PRKCB: variants seen among roughly 807,000 people sequenced by gnomAD.
The protein encoded by PRKCB is protein kinase C beta type.
Under a neutral mutation model 81.5 loss-of-function variants are expected in PRKCB, and 13 were observed. That is an observed-to-expected ratio of 0.16 (90% CI 0.10 to 0.25). PRKCB has a LOEUF of 0.25. PRKCB is among the 10% of genes least tolerant of loss of function. The pLI is 1.00. For missense variants in PRKCB, 509 were observed against 875.7 expected, an observed-to-expected ratio of 0.58 and a Z score of 5.29; for synonymous variants, 335 against 321.4, an observed-to-expected ratio of 1.04 and a Z score of -0.45.
chr16:24,060,725 A>AAG (rs1225936240), intron 5 of PRKCB, among the ~76,000 whole-genome samples: 8 of 152,314 alleles, frequency 5.3e-5, no homozygotes, highest in African/African-American at 1.9e-4. Flanking sequence ...GCTCTTCCCC[A>AAG]GCCTCAGTAG....
chr16:24,133,781 A>C lies in PRKCB; in HGVS notation c.1065+9800A>C, dbSNP rs538641633. Reference sequence around the variant, plus strand: ...ATAGAAATTGTAAGGCAGAGAGGTTAAGTGACTTCTCCAAGAAGGAGGCGG... The same window carrying C: ...ATAGAAATTGTAAGGCAGAGAGGTTCAGTGACTTCTCCAAGAAGGAGGCGG... On this transcript the variant is annotated intron_variant, in intron 9 of 16. Coordinates refer to ENST00000643927, the MANE Select transcript of PRKCB (RefSeq NM_002738.7). Among the ~76,000 whole-genome samples the C allele has an allele frequency of 2.0e-5, 3 of 152,314 alleles. No individual in the cohort carries two copies. In the South Asian group the frequency reaches 6.2e-4, roughly 32 times the overall value.
intron 1 of PRKCB, among the ~76,000 whole-genome samples, chr16:23,836,844 T>G (rs1962170461): frequency 6.7e-6 from 1 of 150,266 alleles, no homozygotes; most frequent in Non-Finnish European, 1.5e-5. Context: ...CCTCTGTGCC[T>G]CCGGGCAGCG....
At chr16:24,013,880 A>G (rs1965239784) in intron 3 of PRKCB, among the ~76,000 whole-genome samples, 1 of 151,642 alleles carries the variant, frequency 6.6e-6, no homozygotes, top group Admixed American at 6.6e-5. Flanking sequence ...GTTCAGGGTC[A>G]TTGTTTCTAG....
At chr16:24,158,799 C>T (rs1333700088) in intron 10 of PRKCB, among the ~76,000 whole-genome samples, 1 of 152,078 alleles carries the variant, frequency 6.6e-6, no homozygotes, top group Non-Finnish European at 1.5e-5. Flanking sequence ...GCTAGGACTA[C>T]AAGCATGCAT....
In PRKCB at chr16:23,838,123, A is replaced by G. The variant is rs117893105; in HGVS notation, c.205+717A>G. Among the ~76,000 whole-genome samples, 8 of 152,286 alleles carry G rather than the reference A, an allele frequency of 5.3e-5. No homozygotes were observed. The East Asian group carries it at 1.4e-3, about 26-fold the overall frequency. On this transcript the variant is annotated intron_variant, in intron 2 of 16. Transcript: ENST00000643927. ...CCCCCGTCTTTGGGGCTCATGTCTA[A>G]AAGACAGATTGCAAATTGGCTCTCC...
chr16:23,882,021 T>TTCTTTCTTTCTTTCTCTTTCTTTC (rs1555481692), intron 2 of PRKCB, among the ~76,000 whole-genome samples: 3 of 55,588 alleles, frequency 5.4e-5, no homozygotes, highest in Admixed American at 2.2e-4. Flanking sequence ...TTTCTTTCTT[T>TTCTTTCTTTCTTTCTCTTTCTTTC]CTTCCTTCCT....
At chr16:24,034,532 A>T (rs1965588936) in intron 4 of PRKCB, among the ~76,000 whole-genome samples, 1 of 152,252 alleles carries the variant, frequency 6.6e-6, no homozygotes, top group Admixed American at 6.5e-5. Flanking sequence ...GAGGGAGTGG[A>T]TATCCTATAA....
rs1292178495 is a variant in PRKCB at position 24,113,155 on chromosome 16, TTC to T, written c.918+92_918+93del. 1.2e-5 allele frequency: 11 copies of T among 925,752 alleles called. No individual in the cohort carries two copies. In the African/African-American group the frequency reaches 1.7e-4, roughly 14 times the overall value. The allele number at this position is 925,752 out of a possible 1,614,324, so 57.3% of individuals were successfully genotyped here. A position where few individuals can be genotyped will look rare whatever the true frequency, so the allele number is the denominator to read the frequency against. ...CCTGCTCCCTCCTCTTTCTTTCTCT[TTC>T]TCTCTTATTCTTTTTTCTCTCCTTC... is the stretch of plus-strand genomic sequence containing the variant. On this transcript the variant is annotated intron_variant, in intron 8 of 16. Transcript: ENST00000643927.
intron 8 of PRKCB, among the ~76,000 whole-genome samples, chr16:24,123,228 A>G (rs957054430): frequency 6.6e-6 from 1 of 152,142 alleles, no homozygotes; most frequent in Non-Finnish European, 1.5e-5. Flanking sequence ...AAGGGGAGAG[A>G]ATAGCCATTT....
chr16:24,171,376 A>T (rs1967438041), intron 10 of PRKCB, among the ~76,000 whole-genome samples: 1 of 152,194 alleles, frequency 6.6e-6, no homozygotes, highest in Non-Finnish European at 1.5e-5. Context: ...GGCTTCCCAA[A>T]AAGCAAGTGA....
At chr16:23,987,462 C>G (rs1038254975) in intron 2 of PRKCB, among the ~76,000 whole-genome samples, 4 of 151,804 alleles carry the variant, frequency 2.6e-5, no homozygotes, top group Non-Finnish European at 1.5e-5. Context: ...TCCTCTGTCA[C>G]TTGTATTTTC....
intron 8 of PRKCB, 80 bp downstream of exon 8, chr16:24,113,149 TTC>T (rs1966695780): frequency 3.9e-6 from 4 of 1,023,190 alleles, no homozygotes; most frequent in African/African-American, 3.3e-5. Flanking sequence ...TCCTCTTTCT[TTC>T]TCTTTCTCTC....
intron 3 of PRKCB, among the ~76,000 whole-genome samples, chr16:24,002,350 CGTGT>C (rs909502386): frequency 6.7e-6 from 1 of 150,346 alleles, no homozygotes; most frequent in East Asian, 1.9e-4. Flanking sequence ...TGCGTGCGTG[CGTGT>C]GTGTGTGTGA....
In PRKCB at chr16:24,216,105, T is replaced by A; in HGVS notation, c.*1289T>A. ...AGGAGGGAACTCAGGAGAAAGGAAC[T>A]AACTGCGGAGCTTTAATCTTGGCCC... On this transcript the variant is annotated 3_prime_UTR_variant, in exon 17 of 17. Transcript: ENST00000643927. The A allele has an allele frequency of 4.1e-6, 4 of 985,316 alleles. No homozygotes were observed. Among genetic ancestry groups the A allele is most frequent in the Non-Finnish European group, 4.8e-6 (4 of 829,902 alleles). 61.0% of individuals were successfully genotyped at this position (985,316 alleles called of 1,614,324 possible). A position where few individuals can be genotyped will look rare whatever the true frequency, so the allele number is the denominator to read the frequency against.
Position 24,216,996 on chromosome 16 carries a change from C to G in PRKCB, c.*2180C>G, listed in dbSNP as rs73550432. 3.6e-5 allele frequency: 35 copies of G among 985,104 alleles called. 1 individual carries two copies. In the African/African-American group the frequency reaches 5.9e-4, roughly 17 times the overall value. 61.0% of individuals were successfully genotyped at this position (985,104 alleles called of 1,614,324 possible). ...CATGATCCCATTTTGCTTGGACATG[C>G]TCTCAGGAAGATAAAAACCATGGAG... is the stretch of plus-strand genomic sequence containing the variant. On this transcript the variant is annotated 3_prime_UTR_variant, in exon 17 of 17. Transcript: ENST00000643927.
At chr16:24,077,824 G>C (rs899304871) in intron 5 of PRKCB, among the ~76,000 whole-genome samples, 2 of 152,218 alleles carry the variant, frequency 1.3e-5, no homozygotes, top group African/African-American at 4.8e-5. Context: ...CTGAGAATGT[G>C]CCTCTCAGTT....
rs1466875027 is a variant in PRKCB at position 24,217,061 on chromosome 16, G to GA, written c.*2249dup. 1.3e-5 allele frequency: 13 copies of GA among 980,468 alleles called. No individual in the cohort carries two copies. The Admixed American group carries it at 5.8e-4, about 44-fold the overall frequency. The allele number at this position is 980,468 out of a possible 1,614,324, so 60.7% of individuals were successfully genotyped here. On this transcript the variant is annotated 3_prime_UTR_variant, in exon 17 of 17. Coordinates refer to ENST00000643927, the MANE Select transcript of PRKCB (RefSeq NM_002738.7). ...TGACAAATGATCTGAGACAACTTTA[G>GA]AAAACAATGTAGGATGAATGGAAAG...
At chr16:24,115,649 G>C (rs1966729315) in intron 8 of PRKCB, among the ~76,000 whole-genome samples, 1 of 151,902 alleles carries the variant, frequency 6.6e-6, no homozygotes, top group Non-Finnish European at 1.5e-5. Flanking sequence ...TTTTTCCCAA[G>C]ACTATTTATC....
At position 24,219,076 on chromosome 16, in the gene PRKCB, G is replaced by A. The variant is rs1014660247; in HGVS notation, c.*4260G>A. ...ACAAGAGGCTTGCAAGGACCCTGAA[G>A]AGGTCGGAGCATCATACAGATTCCT... On this transcript the variant is annotated 3_prime_UTR_variant, in exon 17 of 17. Coordinates refer to ENST00000643927, the MANE Select transcript of PRKCB (RefSeq NM_002738.7). 4 of 985,354 alleles carry A rather than the reference G, an allele frequency of 4.1e-6. No homozygotes were observed. The highest frequency in any genetic ancestry group is 4.8e-6 in the Non-Finnish European group (4 of 830,020). The allele number at this position is 985,354 out of a possible 1,614,324, so 61.0% of individuals were successfully genotyped here. A position where few individuals can be genotyped will look rare whatever the true frequency, so the allele number is the denominator to read the frequency against.
Sources: allele counts gnomAD v4.1 joint callset (sites outside exome capture counted in the v4.1 genomes callset), GRCh38; gene constraint gnomAD v4.1.1; transcripts MANE v1.5; gene names NCBI Gene and HGNC (gene_info 2026-07-23, HGNC 2026-07-21).